Variants in SENP6 observed in about 807,000 individuals in gnomAD.
SENP6 encodes the protein sentrin-specific protease 6.
A neutral mutation model predicts 134.5 loss-of-function variants in SENP6; 41 were observed. The ratio of observed to expected loss-of-function variants is 0.30; its 90% CI spans 0.24 to 0.40. The LOEUF is 0.40. Among genes scored for constraint, SENP6 ranks in the 10% least tolerant of loss-of-function variants. The pLI, the probability that SENP6 is intolerant of heterozygous loss-of-function variation, is 1.00. For missense variants in SENP6, 1,248 were observed against 1,312.5 expected, an observed-to-expected ratio of 0.95 and a Z score of 0.76; for synonymous variants, 395 against 429.8, an observed-to-expected ratio of 0.92 and a Z score of 1.00.
At chr6:75,650,100 T>G (rs1770756368) in intron 7 of SENP6, among the ~76,000 whole-genome samples, 1 of 152,220 alleles carries the variant, frequency 6.6e-6, no homozygotes, top group Admixed American at 6.5e-5. Context: ...TTTTGAAGAC[T>G]AGTCAGTTGC....
At chr6:75,650,434 G>A (rs1253473693) in intron 7 of SENP6, among the ~76,000 whole-genome samples, 2 of 152,130 alleles carry the variant, frequency 1.3e-5, no homozygotes, top group Non-Finnish European at 2.9e-5. Context: ...GCATCCATTG[G>A]TGGGTCTTGC....
chr6:75,642,511 T>G (rs1341158306), intron 6 of SENP6, among the ~76,000 whole-genome samples: 6 of 152,134 alleles, frequency 3.9e-5, no homozygotes, highest in African/African-American at 7.2e-5. Context: ...GGAATGAGTT[T>G]GGCATGTCAA....
chr6:75,603,006 G>A (rs532667105), intron 1 of SENP6, among the ~76,000 whole-genome samples: 1 of 152,336 alleles, frequency 6.6e-6, no homozygotes, highest in South Asian at 2.1e-4. Flanking sequence ...CAGTTTCATT[G>A]AGGTGTGTTT....
chr6:75,652,111 A>T (rs2149853571), intron 7 of SENP6, among the ~76,000 whole-genome samples: 1 of 152,226 alleles, frequency 6.6e-6, no homozygotes, highest in South Asian at 2.1e-4. Flanking sequence ...CAGCAGGTCA[A>T]GATTGCAGTG....
intron 6 of SENP6, among the ~76,000 whole-genome samples, chr6:75,644,959 C>T (rs996078455): frequency 2.0e-5 from 3 of 152,162 alleles, no homozygotes; most frequent in African/African-American, 7.2e-5. Context: ...TAGTTTACTA[C>T]AAAAAATAGA....
intron 6 of SENP6, chr6:75,646,942 A>G (rs1312931094): frequency 3.3e-5 from 5 of 152,112 alleles, no homozygotes; most frequent in Non-Finnish European, 5.9e-5. Flanking sequence ...TTTTTGTAAT[A>G]TAAGAATTTG....
At chr6:75,659,763 C>A (rs1363207112) in intron 8 of SENP6, among the ~76,000 whole-genome samples, 1 of 151,996 alleles carries the variant, frequency 6.6e-6, no homozygotes, top group Non-Finnish European at 1.5e-5. Flanking sequence ...CTTTATTGTC[C>A]TCACTCTCTA....
chr6:75,712,715 G>A (rs1775819554), intron 21 of SENP6, among the ~76,000 whole-genome samples: 1 of 151,816 alleles, frequency 6.6e-6, no homozygotes, highest in East Asian at 1.9e-4. Flanking sequence ...GTTCTACAGA[G>A]TGTTCTGAAG....
intron 1 of SENP6, among the ~76,000 whole-genome samples, chr6:75,618,884 A>G (rs905198508): frequency 2.0e-5 from 3 of 151,842 alleles, no homozygotes; most frequent in African/African-American, 7.3e-5. Flanking sequence ...TTTCATGTAT[A>G]CTGATGGTTT....
intron 3 of SENP6, among the ~76,000 whole-genome samples, chr6:75,625,826 G>A (rs1768643160): frequency 6.6e-6 from 1 of 152,070 alleles, no homozygotes; most frequent in Non-Finnish European, 1.5e-5. Context: ...CTGAGATTGC[G>A]CCACTGCACT....
In SENP6 at chr6:75,675,428, T is replaced by G. The variant is rs779922188; in HGVS notation, c.1393-7T>G. 5 of 1,409,684 alleles carry G rather than the reference T, an allele frequency of 3.5e-6. No homozygotes were observed. The highest frequency in any genetic ancestry group is 4.9e-6 in the Non-Finnish European group (5 of 1,021,172). 87.3% of individuals were successfully genotyped at this position (1,409,684 alleles called of 1,614,324 possible). A position where few individuals can be genotyped will look rare whatever the true frequency, so the allele number is the denominator to read the frequency against. On this transcript the variant is annotated splice_polypyrimidine_tract_variant and splice_region_variant and intron_variant, in intron 11 of 23. Transcript: ENST00000447266. The stretch of plus-strand genomic sequence containing the variant: ...CTAGAGCAATACTAATTCATCTTTT[T>G]TTTTAGTTTTGTTTAGATTTTATCA...
At chr6:75,641,407 G>C (rs752313202) in intron 6 of SENP6, among the ~76,000 whole-genome samples, 2 of 152,028 alleles carry the variant, frequency 1.3e-5, no homozygotes, top group African/African-American at 4.8e-5. Flanking sequence ...AATAGACTGG[G>C]GGAGGGAGAG....
intron 1 of SENP6, among the ~76,000 whole-genome samples, chr6:75,617,236 A>T (rs73453055): frequency 4.1e-5 from 6 of 145,290 alleles, no homozygotes; most frequent in African/African-American, 1.5e-4. Context: ...AGAAGTTTCA[A>T]TGATGGTTTG....
chr6:75,676,173 T>C (rs1582833953), intron 13 of SENP6, 119 bp downstream of exon 13: 2 of 544,796 alleles, frequency 3.7e-6, no homozygotes, highest in African/African-American at 3.9e-5. Flanking sequence ...TATCTACAAT[T>C]GTCACAGCCA....
intron 12 of SENP6, 111 bp from the exon 13 acceptor site, chr6:75,675,749 A>C: frequency 1.0e-6 from 1 of 996,670 alleles, no homozygotes; most frequent in Non-Finnish European, 1.5e-6. Flanking sequence ...TTTATAGAGC[A>C]TAATAAATAT....
At chr6:75,661,054 A>T (rs964142222) in intron 8 of SENP6, among the ~76,000 whole-genome samples, 11 of 152,308 alleles carry the variant, frequency 7.2e-5, no homozygotes, top group Admixed American at 7.2e-4. Context: ...AGTTATGTTC[A>T]TTCACATGGG....
At chr6:75,666,345 G>C (rs1327871968) in intron 9 of SENP6, among the ~76,000 whole-genome samples, 4 of 149,272 alleles carry the variant, frequency 2.7e-5, no homozygotes. Flanking sequence ...TGAACAAGTT[G>C]TATGCAAATT....
chr6:75,648,556 A>G (rs552584572), intron 7 of SENP6, among the ~76,000 whole-genome samples: 16 of 152,102 alleles, frequency 1.1e-4, no homozygotes, highest in Non-Finnish European at 2.2e-4. Context: ...TTGTGCATGT[A>G]TTGAACATTT....
chr6:75,695,238 G>A lies in SENP6; in HGVS notation c.2076-566G>A, dbSNP rs72654742. 0.011 allele frequency among the ~76,000 whole-genome samples: 1,602 copies of A among 152,248 alleles called. 56 individuals are homozygous for A. The East Asian group carries it at 0.14, about 13-fold the overall frequency. On this transcript the variant is annotated intron_variant, in intron 16 of 23. Transcript: ENST00000447266. Reference sequence around the variant, plus strand: ...CTCACTCTGTTTCTCAGGCTGGAGTGCAGTGGCTCAATTTCAGCTAACTGC... The same window carrying A: ...CTCACTCTGTTTCTCAGGCTGGAGTACAGTGGCTCAATTTCAGCTAACTGC...
Sources: allele counts gnomAD v4.1 joint callset (sites outside exome capture counted in the v4.1 genomes callset), GRCh38; gene constraint gnomAD v4.1.1; transcripts MANE v1.5; gene names NCBI Gene and HGNC (gene_info 2026-07-23, HGNC 2026-07-21).